The following PRR16 variants were observed in gnomAD, a reference collection of about 807,000 sequenced individuals.
PRR16 encodes protein Largen.
A neutral mutation model predicts 18.2 loss-of-function variants in PRR16; 6 were observed. The observed-to-expected ratio is 0.33, with a 90% CI of 0.18 to 0.65. The LOEUF (loss-of-function observed/expected upper bound fraction) is 0.65, where lower values mean the gene tolerates loss of function less well. PRR16 is among the 30% of genes least tolerant of loss of function. The pLI, the probability that PRR16 is intolerant of heterozygous loss-of-function variation, is 0.74. For synonymous variants in PRR16, 151 were observed against 147.8 expected (o/e 1.02, Z -0.16); for missense variants, 412 against 376.6 (o/e 1.09, Z -0.78).
intron 1 of PRR16, among the ~76,000 whole-genome samples, chr5:120,575,069 C>G (rs945703745): frequency 1.5e-5 from 2 of 136,564 alleles, no homozygotes; most frequent in African/African-American, 3.7e-5. Context: ...TTAATTATTA[C>G]TTATTATTGT....
the PRR16 span, among the ~76,000 whole-genome samples, chr5:120,705,872 A>T: frequency 6.6e-6 from 1 of 152,146 alleles, no homozygotes; most frequent in African/African-American, 2.4e-5. Context: ...ATTGTAACAC[A>T]AGAGACCCTA....
chr5:120,509,905 C>T (rs1409374825), intron 1 of PRR16, among the ~76,000 whole-genome samples: 2 of 151,750 alleles, frequency 1.3e-5, no homozygotes, highest in Non-Finnish European at 2.9e-5. Flanking sequence ...TTTTTTTCTG[C>T]GACGTGATCC....
chr5:120,628,057 C>CT (rs1754925567), intron 1 of PRR16, among the ~76,000 whole-genome samples: 1 of 152,016 alleles, frequency 6.6e-6, no homozygotes, highest in African/African-American at 2.4e-5. Context: ...CCTATAATCA[C>CT]TTTTTCAATT....
intron 1 of PRR16, among the ~76,000 whole-genome samples, chr5:120,591,661 A>C (rs1484768963): frequency 1.3e-5 from 2 of 152,030 alleles, no homozygotes; most frequent in Admixed American, 6.6e-5. Flanking sequence ...TTTTTTCTGA[A>C]TTATTTGTAT....
At chr5:120,743,499 C>T in the PRR16 span, among the ~76,000 whole-genome samples, 1 of 152,020 alleles carries the variant, frequency 6.6e-6, no homozygotes. Context: ...ATTGTTCTGT[C>T]TTCTGCATTC....
intron 1 of PRR16, among the ~76,000 whole-genome samples, chr5:120,653,537 G>C (rs1052338763): frequency 1.3e-5 from 2 of 151,680 alleles, no homozygotes; most frequent in African/African-American, 4.8e-5. Context: ...GAAAAACAAA[G>C]GTATTCTAGA....
At chr5:120,474,587 A>ATT (rs1749376812) in intron 1 of PRR16, among the ~76,000 whole-genome samples, 1 of 129,836 alleles carries the variant, frequency 7.7e-6, no homozygotes, top group African/African-American at 3.1e-5. Context: ...TGTATTTGCT[A>ATT]TCTTTTTTTT....
the PRR16 span, among the ~76,000 whole-genome samples, chr5:120,713,340 A>T: frequency 6.6e-6 from 1 of 152,172 alleles, no homozygotes; most frequent in African/African-American, 2.4e-5. Flanking sequence ...TACATATTCA[A>T]GGCTCTTAAC....
chr5:120,600,934 T>C (rs1753961471), intron 1 of PRR16, among the ~76,000 whole-genome samples: 1 of 152,128 alleles, frequency 6.6e-6, no homozygotes, highest in East Asian at 1.9e-4. Context: ...TTATATTGTA[T>C]AGTTTATATG....
At chr5:120,635,798 G>A (rs1310901624) in intron 1 of PRR16, among the ~76,000 whole-genome samples, 2 of 152,040 alleles carry the variant, frequency 1.3e-5, no homozygotes, top group Non-Finnish European at 2.9e-5. Flanking sequence ...GAAAGAAAGG[G>A]CACTCGAATC....
intron 1 of PRR16, among the ~76,000 whole-genome samples, chr5:120,588,655 C>G (rs1753531474): frequency 6.6e-6 from 1 of 152,064 alleles, no homozygotes; most frequent in African/African-American, 2.4e-5. Context: ...CAGTGGGAAA[C>G]AGAAAAAATA....
chr5:120,519,026 C>A (rs1823926), intron 1 of PRR16, among the ~76,000 whole-genome samples: 42,758 of 151,696 alleles, frequency 0.28, 6,793 homozygotes, highest in African/African-American at 0.43. Context: ...AATAGTTTGG[C>A]GATAAATAAG....
intron 1 of PRR16, among the ~76,000 whole-genome samples, chr5:120,555,609 A>G (rs1438418093): frequency 6.6e-6 from 1 of 151,862 alleles, no homozygotes; most frequent in East Asian, 1.9e-4. Context: ...GGGCCGTATC[A>G]CATGACTTCA....
At chr5:120,515,276 C>T (rs1382002345) in intron 1 of PRR16, among the ~76,000 whole-genome samples, 1 of 152,146 alleles carries the variant, frequency 6.6e-6, no homozygotes, top group Non-Finnish European at 1.5e-5. Flanking sequence ...TTTATGAGGG[C>T]AGAAGCCTCA....
the PRR16 span, among the ~76,000 whole-genome samples, chr5:120,766,755 T>G: frequency 6.6e-6 from 1 of 151,960 alleles, no homozygotes; most frequent in Non-Finnish European, 1.5e-5. Flanking sequence ...TTGATAAAAA[T>G]TAATGACCTT....
intron 1 of PRR16, among the ~76,000 whole-genome samples, chr5:120,516,231 C>T (rs1750985667): frequency 6.6e-6 from 1 of 152,024 alleles, no homozygotes; most frequent in African/African-American, 2.4e-5. Context: ...CGAGACCAGC[C>T]TGGCCAACAT....
rs574104237 is a variant in PRR16 at position 120,619,494 on chromosome 5, A to T, written c.160-66460A>T. ...ACCATTTAATGTTACTATTGATTTCAATCACAGAGCTAGTTCTGGAGAATT... is the reference window on the plus strand; with the variant it reads ...ACCATTTAATGTTACTATTGATTTCTATCACAGAGCTAGTTCTGGAGAATT... On this transcript the variant is annotated intron_variant, in intron 1 of 1. Transcript: ENST00000407149. 2.6e-5 allele frequency among the ~76,000 whole-genome samples: 4 copies of T among 152,246 alleles called. No homozygotes were observed. The East Asian group carries it at 7.7e-4, about 29-fold the overall frequency.
chr5:120,754,377 A>ATGTTATATATTAT, the PRR16 span, among the ~76,000 whole-genome samples: 192 of 52,498 alleles, frequency 3.7e-3, 1 homozygote, highest in African/African-American at 0.017. Flanking sequence ...TATAATATAT[A>ATGTTATATATTAT]ACATATATAT....
At chr5:120,645,546 C>G (rs1263361467) in intron 1 of PRR16, among the ~76,000 whole-genome samples, 1 of 151,872 alleles carries the variant, frequency 6.6e-6, no homozygotes, top group Admixed American at 6.6e-5. Context: ...TACATATTCC[C>G]CATTTCAGAG....
Sources: gnomAD v4.1 joint callset for allele counts (sites outside exome capture counted in the v4.1 genomes callset) on GRCh38, gnomAD v4.1.1 for gene constraint, MANE v1.5 for transcripts, NCBI Gene and HGNC (gene_info 2026-07-23, HGNC 2026-07-21) for gene names.